The following ADAM32 variants were observed in gnomAD, a reference collection of about 807,000 sequenced individuals.
The protein encoded by ADAM32 is ADAM metallopeptidase domain 32.
In ADAM32, 89 loss-of-function variants were observed where a neutral mutation model predicts 114.9. The ratio of observed to expected loss-of-function variants is 0.77; its 90% CI spans 0.65 to 0.92. The LOEUF (loss-of-function observed/expected upper bound fraction) is 0.92, where lower values mean the gene tolerates loss of function less well. Among genes scored for constraint, ADAM32 ranks in the 40% least tolerant of loss-of-function variants. The probability of loss-of-function intolerance (pLI) is 0.00; values close to 1 mark genes in which losing one functional copy is unlikely to be tolerated. For missense variants in ADAM32, 870 were observed against 932.8 expected (o/e 0.93, Z 0.88); for synonymous variants, 285 against 307.5 (o/e 0.93, Z 0.77).
At chr8:39,126,470 C>T (rs1052146308) in intron 2 of ADAM32, among the ~76,000 whole-genome samples, 1 of 152,076 alleles carries the variant, frequency 6.6e-6, no homozygotes, top group Admixed American at 6.6e-5. Context: ...TGACTTGGTT[C>T]TCTGCTTGCC....
At chr8:39,233,667 T>C (rs1473297724) in intron 15 of ADAM32, among the ~76,000 whole-genome samples, 1 of 152,206 alleles carries the variant, frequency 6.6e-6, no homozygotes, top group Non-Finnish European at 1.5e-5. Context: ...CTATTCAAGA[T>C]AGAGTCATTC....
chr8:39,274,031 C>T (rs937014710), intron 20 of ADAM32, among the ~76,000 whole-genome samples: 1 of 151,862 alleles, frequency 6.6e-6, no homozygotes, highest in Non-Finnish European at 1.5e-5. Context: ...TTTTTCTGAA[C>T]GGATCTATAT....
chr8:39,142,677 T>C (rs544008628), intron 3 of ADAM32, among the ~76,000 whole-genome samples: 2 of 152,258 alleles, frequency 1.3e-5, no homozygotes, highest in African/African-American at 4.8e-5. Flanking sequence ...GACAATTATG[T>C]GTCTTGGGGT....
intron 16 of ADAM32, among the ~76,000 whole-genome samples, chr8:39,245,876 T>C (rs994814532): frequency 6.6e-6 from 1 of 152,158 alleles, no homozygotes; most frequent in Non-Finnish European, 1.5e-5. Flanking sequence ...GTAATAATAA[T>C]ATCAATTTAA....
chr8:39,117,878 C>T (rs987459787), intron 1 of ADAM32, among the ~76,000 whole-genome samples: 38 of 152,136 alleles, frequency 2.5e-4, no homozygotes, highest in African/African-American at 7.7e-4. Flanking sequence ...ACATTTTGTG[C>T]GAGCTGCATA....
chr8:39,129,746 A>G (rs923782688), intron 2 of ADAM32: 4 of 236,754 alleles, frequency 1.7e-5, no homozygotes, highest in African/African-American at 2.3e-5. Flanking sequence ...AAGGATTAAT[A>G]TTATTTCCTT....
chr8:39,259,345 G>T (rs565013518), intron 19 of ADAM32, among the ~76,000 whole-genome samples: 1 of 151,758 alleles, frequency 6.6e-6, no homozygotes, highest in South Asian at 2.1e-4. Flanking sequence ...TATTACAGGC[G>T]TGCACCACCA....
At position 39,118,084 on chromosome 8, in the gene ADAM32, A is replaced by G; in HGVS notation, c.59-2A>G. On this transcript the variant is annotated splice_acceptor_variant, in intron 1 of 24. Coordinates refer to ENST00000379907, the MANE Select transcript of ADAM32 (RefSeq NM_145004.7). LOFTEE classifies it high-confidence loss of function. ...AACTTTTTTTTTTTTTTATCTCTTC[A>G]GGTTTTCAAAATTCACTTCTACAGA... 6.9e-7 allele frequency: 1 copy of G among 1,454,882 alleles called. No individual in the cohort carries two copies. The highest frequency in any genetic ancestry group is 9.1e-7 in the Non-Finnish European group (1 of 1,094,552). The allele number at this position is 1,454,882 out of a possible 1,614,324, so 90.1% of individuals were successfully genotyped here.
In ADAM32 at chr8:39,234,037, A is replaced by G. The variant is rs1272454717; in HGVS notation, c.1773A>G (p.Pro591=). ...TVDYKLPRTV[P]DPLAVKNGSQ... is the part of the protein sequence containing the mutation. ...ACTACAAATTGCCTCGAACAGTTCC[A>G]GATCCACTGGCTGTCAAAAATGGCT... is the stretch of plus-strand genomic sequence containing the variant. The change falls in exon 16 of 25, where the codon CCA becomes CCG. Residue 591 remains proline, a synonymous_variant. Coordinates refer to ENST00000379907, the MANE Select transcript of ADAM32 (RefSeq NM_145004.7). The G allele has an allele frequency of 6.6e-7, 1 of 1,510,932 alleles. No homozygotes were observed. The highest frequency in any genetic ancestry group is 8.9e-7 in the Non-Finnish European group (1 of 1,126,426). The allele number at this position is 1,510,932 out of a possible 1,614,324, so 93.6% of individuals were successfully genotyped here.
intron 11 of ADAM32, 93 bp downstream of exon 11, chr8:39,187,138 C>T: frequency 8.3e-7 from 1 of 1,208,944 alleles, no homozygotes; most frequent in East Asian, 2.6e-5. Context: ...CACAAATTAG[C>T]TATCAATGGA....
intron 18 of ADAM32, among the ~76,000 whole-genome samples, chr8:39,254,735 T>C (rs931433854): frequency 7.9e-5 from 12 of 151,770 alleles, no homozygotes; most frequent in Admixed American, 3.9e-4. Flanking sequence ...TTTCAATAGG[T>C]TTTTGAGGAA....
intron 3 of ADAM32, among the ~76,000 whole-genome samples, chr8:39,142,691 T>A (rs1803239436): frequency 6.6e-6 from 1 of 152,176 alleles, no homozygotes; most frequent in Non-Finnish European, 1.5e-5. Flanking sequence ...TTGGGGTTGC[T>A]CTTCCCGAGG....
intron 19 of ADAM32, among the ~76,000 whole-genome samples, chr8:39,258,723 A>C (rs927024818): frequency 6.6e-6 from 1 of 152,138 alleles, no homozygotes; most frequent in South Asian, 2.1e-4. Context: ...TTTTATACAT[A>C]CTGGGTTTTT....
intron 1 of ADAM32, among the ~76,000 whole-genome samples, chr8:39,111,149 G>A (rs6982058): frequency 0.26 from 39,725 of 152,010 alleles, 6,169 homozygotes; most frequent in East Asian, 0.48. Flanking sequence ...TCAGTTGATG[G>A]ACATTTGATT....
intron 2 of ADAM32, among the ~76,000 whole-genome samples, chr8:39,118,847 C>T (rs1840482427): frequency 6.6e-6 from 1 of 152,144 alleles, no homozygotes; most frequent in African/African-American, 2.4e-5. Context: ...ATTGTGCAAA[C>T]ATTACCACAG....
chr8:39,231,123 C>T (rs546451133), intron 14 of ADAM32, among the ~76,000 whole-genome samples: 4 of 152,256 alleles, frequency 2.6e-5, no homozygotes, highest in African/African-American at 9.6e-5. Context: ...TTAAGGTCTA[C>T]AATCAGTCAG....
At chr8:39,199,763 C>A (rs1361685174) in intron 11 of ADAM32, among the ~76,000 whole-genome samples, 1 of 150,250 alleles carries the variant, frequency 6.7e-6, no homozygotes, top group Non-Finnish European at 1.5e-5. Flanking sequence ...TAATGCTATC[C>A]CCCCCACCAC....
At chr8:39,251,511 T>C (rs1163377089) in intron 17 of ADAM32, among the ~76,000 whole-genome samples, 1 of 151,956 alleles carries the variant, frequency 6.6e-6, no homozygotes, top group East Asian at 1.9e-4. Context: ...GTTTGTTTTA[T>C]TTTGAGAAAT....
At chr8:39,275,503 A>G (rs1813018300) in intron 21 of ADAM32, among the ~76,000 whole-genome samples, 1 of 152,206 alleles carries the variant, frequency 6.6e-6, no homozygotes. Flanking sequence ...TTATCAACGG[A>G]TAGACTCTGA....
Sources: allele counts gnomAD v4.1 joint callset (sites outside exome capture counted in the v4.1 genomes callset), GRCh38; gene constraint gnomAD v4.1.1; transcripts MANE v1.5; gene names NCBI Gene and HGNC (gene_info 2026-07-23, HGNC 2026-07-21).